MAP1B: variants seen among roughly 807,000 people sequenced by gnomAD.
MAP1B encodes the protein microtubule-associated protein 1B.
In MAP1B, 12 loss-of-function variants were observed where a neutral mutation model predicts 176.1. That is an observed-to-expected ratio of 0.07 (90% CI 0.04 to 0.11). MAP1B has a LOEUF of 0.11. MAP1B is among the 10% of genes least tolerant of loss of function. MAP1B has a pLI of 1.00. For synonymous variants in MAP1B, 1,044 were observed against 1,135.0 expected, an observed-to-expected ratio of 0.92 and a Z score of 1.61; for missense variants, 2,523 against 2,990.5, an observed-to-expected ratio of 0.84 and a Z score of 3.65.
At chr5:72,174,590 G>T (rs1017296260) in intron 2 of MAP1B, among the ~76,000 whole-genome samples, 2 of 152,120 alleles carry the variant, frequency 1.3e-5, no homozygotes, top group Non-Finnish European at 2.9e-5. Context: ...CTAGGCTTGC[G>T]GGGGCCACAT....
chr5:72,142,231 G>GC (rs1263202304), intron 2 of MAP1B, among the ~76,000 whole-genome samples: 1 of 152,186 alleles, frequency 6.6e-6, no homozygotes, highest in African/African-American at 2.4e-5. Flanking sequence ...CACATTCAAA[G>GC]CCAGAGTGGA....
At chr5:72,193,335 A>G in intron 4 of MAP1B, 1 of 359,824 alleles carries the variant, frequency 2.8e-6, no homozygotes, top group South Asian at 2.0e-5. Context: ...TAAGGTATCC[A>G]TCAGGCCTTT....
At chr5:72,161,187 G>T (rs1321353406) in intron 2 of MAP1B, among the ~76,000 whole-genome samples, 4 of 152,166 alleles carry the variant, frequency 2.6e-5, no homozygotes, top group Non-Finnish European at 5.9e-5. Context: ...GAGCCTCCAT[G>T]CCAGATGCAT....
chr5:72,181,957 C>T (rs1175080992), intron 2 of MAP1B, among the ~76,000 whole-genome samples: 3 of 151,368 alleles, frequency 2.0e-5, no homozygotes, highest in African/African-American at 7.3e-5. Flanking sequence ...AACTCCTGAC[C>T]TCGTGATCCA....
At chr5:72,145,239 T>C (rs1444819359) in intron 2 of MAP1B, among the ~76,000 whole-genome samples, 1 of 152,116 alleles carries the variant, frequency 6.6e-6, no homozygotes, top group East Asian at 1.9e-4. Flanking sequence ...AAGATACTAT[T>C]GGGAATTTGG....
rs560690739 is a variant in MAP1B, at chr5:72,166,899, G to A, written c.287-16844G>A. Among the ~76,000 whole-genome samples, 7 of 152,340 alleles carry A rather than the reference G, an allele frequency of 4.6e-5. No individual in the cohort carries two copies. The South Asian group carries it at 1.5e-3, about 32-fold the overall frequency. On this transcript the variant is annotated intron_variant, in intron 2 of 6. Coordinates refer to ENST00000296755, the MANE Select transcript of MAP1B (RefSeq NM_005909.5). ...GTTGGCAAATGGCAGACTGTGGGCA[G>A]GACGGGGCAGTCCAGGAAACAAGAT...
At chr5:72,166,821 G>A (rs895723653) in intron 2 of MAP1B, among the ~76,000 whole-genome samples, 12 of 152,162 alleles carry the variant, frequency 7.9e-5, no homozygotes, top group Non-Finnish European at 1.6e-4. Context: ...GCTGACTGGC[G>A]CGCAGTGCTG....
At chr5:72,191,578 C>T (rs902520286) in intron 4 of MAP1B, among the ~76,000 whole-genome samples, 3 of 152,238 alleles carry the variant, frequency 2.0e-5, no homozygotes. Context: ...TCTTCCTCCT[C>T]CTCCCTCTGC....
At chr5:72,167,777 CT>C (rs1216838344) in intron 2 of MAP1B, among the ~76,000 whole-genome samples, 1 of 152,022 alleles carries the variant, frequency 6.6e-6, no homozygotes, top group Non-Finnish European at 1.5e-5. Context: ...CCCAGTAACC[CT>C]TCATTTTTTT....
At chr5:72,116,092 C>T (rs770309355) in intron 2 of MAP1B, 7 of 335,454 alleles carry the variant, frequency 2.1e-5, no homozygotes, top group African/African-American at 4.3e-5. Context: ...AATTGATATC[C>T]AGGGCTTGAG....
intron 2 of MAP1B, among the ~76,000 whole-genome samples, chr5:72,134,173 G>T (rs1561294720): frequency 6.6e-6 from 1 of 152,174 alleles, no homozygotes; most frequent in Non-Finnish European, 1.5e-5. Context: ...GATTGAAAAA[G>T]AAAAATGCAA....
At chr5:72,125,442 A>G (rs1745610275) in intron 2 of MAP1B, among the ~76,000 whole-genome samples, 1 of 152,214 alleles carries the variant, frequency 6.6e-6, no homozygotes, top group Non-Finnish European at 1.5e-5. Context: ...GTGTCCTGTT[A>G]GTGTCCTATT....
chr5:72,179,566 G>A (rs1286637131), intron 2 of MAP1B: 2 of 962,218 alleles, frequency 2.1e-6, no homozygotes, highest in Non-Finnish European at 2.5e-6. Flanking sequence ...CCGCAGGAAA[G>A]CTGGCACCCA....
At chr5:72,142,665 T>C (rs1172129563) in intron 2 of MAP1B, among the ~76,000 whole-genome samples, 1 of 149,768 alleles carries the variant, frequency 6.7e-6, no homozygotes, top group African/African-American at 2.5e-5. Flanking sequence ...AAAAAAGGGA[T>C]TTTTTTTCAG....
At chr5:72,176,136 C>T (rs185505250) in intron 2 of MAP1B, among the ~76,000 whole-genome samples, 1 of 152,318 alleles carries the variant, frequency 6.6e-6, no homozygotes, top group Admixed American at 6.5e-5. Context: ...TCAGCAGAAA[C>T]CAAGAAGGAA....
At chr5:72,145,962 T>C (rs1746037911) in intron 2 of MAP1B, among the ~76,000 whole-genome samples, 1 of 151,754 alleles carries the variant, frequency 6.6e-6, no homozygotes, top group East Asian at 1.9e-4. Flanking sequence ...TTGAGAGGAA[T>C]CCCCCCAGGA....
intron 2 of MAP1B, among the ~76,000 whole-genome samples, chr5:72,137,613 C>T (rs1233515543): frequency 6.6e-6 from 1 of 152,158 alleles, no homozygotes; most frequent in Non-Finnish European, 1.5e-5. Flanking sequence ...AATAAAGTTA[C>T]TCCTCCCTGT....
At chr5:72,161,992 A>G (rs1433908144) in intron 2 of MAP1B, among the ~76,000 whole-genome samples, 1 of 151,426 alleles carries the variant, frequency 6.6e-6, no homozygotes, top group Non-Finnish European at 1.5e-5. Context: ...AAAGAAAGAA[A>G]GAAAAGAAAA....
chr5:72,135,081 A>C (rs1745812701), intron 2 of MAP1B, among the ~76,000 whole-genome samples: 1 of 151,546 alleles, frequency 6.6e-6, no homozygotes, highest in African/African-American at 2.4e-5. Context: ...ATAGGAAGAA[A>C]ATCATTGTCA....
Sources: allele counts gnomAD v4.1 joint callset (sites outside exome capture counted in the v4.1 genomes callset), GRCh38; gene constraint gnomAD v4.1.1; transcripts MANE v1.5; gene names NCBI Gene and HGNC (gene_info 2026-07-23, HGNC 2026-07-21).